The following BTNL2 variants were observed in gnomAD, a reference collection of about 807,000 sequenced individuals.
The protein encoded by BTNL2 is butyrophilin like 2.
A neutral mutation model predicts 46.8 loss-of-function variants in BTNL2; 46 were observed. That is an observed-to-expected ratio of 0.98 (90% CI 0.78 to 1.26). The LOEUF (loss-of-function observed/expected upper bound fraction) is 1.26, where lower values mean the gene tolerates loss of function less well. BTNL2 is among the 50% of genes most tolerant of loss of function. The pLI is 0.00. For missense variants in BTNL2, 461 were observed against 592.6 expected (o/e 0.78, Z 2.31); for synonymous variants, 226 against 229.1 (o/e 0.99, Z 0.12).
chr6:32,402,500 T>TGGG lies in BTNL2; in HGVS notation c.709+432_709+434dup, dbSNP rs57612352. On this transcript the variant is annotated intron_variant, in intron 3 of 7. Coordinates refer to ENST00000454136, the MANE Select transcript of BTNL2 (RefSeq NM_001304561.2). Reference sequence around the variant, plus strand: ...AAGATTCCACACTGTACTGTTGTATTGGGGGGTTGGTTGTTTTTGCTGCTA... The same window carrying TGGG: ...AAGATTCCACACTGTACTGTTGTATTGGGGGGGGGTTGGTTGTTTTTGCTGCTA... 4.5e-3 allele frequency among the ~76,000 whole-genome samples: 684 copies of TGGG among 152,072 alleles called. 6 individuals carry two copies. Among genetic ancestry groups the TGGG allele is most frequent in the African/African-American group, 0.016 (644 of 41,524 alleles).
chr6:32,402,105 A>G (rs1776821910), intron 3 of BTNL2, among the ~76,000 whole-genome samples: 1 of 152,200 alleles, frequency 6.6e-6, no homozygotes, highest in Non-Finnish European at 1.5e-5. Flanking sequence ...TGTTCCTTTT[A>G]TAGATACACA....
intron 1 of BTNL2, 161 bp from the exon 2 acceptor site, chr6:32,405,447 G>A (rs545154341): frequency 2.5e-6 from 2 of 801,268 alleles, no homozygotes; most frequent in Admixed American, 4.0e-5. Context: ...ACATCTGTTT[G>A]TTACAGAGTC....
intron 5 of BTNL2, among the ~76,000 whole-genome samples, chr6:32,395,610 T>C (rs118050525): frequency 0.012 from 1,862 of 152,162 alleles, 69 homozygotes; most frequent in East Asian, 0.11. Context: ...TTTCATCTTT[T>C]CTCCCCTGTC....
At chr6:32,402,500 T>TGGGGG (rs57612352) in intron 3 of BTNL2, among the ~76,000 whole-genome samples, 1,558 of 151,792 alleles carry the variant, frequency 0.01, 46 homozygotes, top group East Asian at 0.088. Context: ...ACTGTTGTAT[T>TGGGGG]GGGGGGTTGG....
chr6:32,402,908 T>C, intron 3 of BTNL2, 27 bp downstream of exon 3: 1 of 1,607,312 alleles, frequency 6.2e-7, no homozygotes, highest in Non-Finnish European at 8.5e-7. Flanking sequence ...GATCTGAGCA[T>C]GTGGGTCCTA....
chr6:32,397,856 G>T (rs1776542570), intron 4 of BTNL2, among the ~76,000 whole-genome samples: 1 of 152,138 alleles, frequency 6.6e-6, no homozygotes, highest in African/African-American at 2.4e-5. Context: ...CCTCTAGGTG[G>T]ACTTTATAGT....
intron 4 of BTNL2, among the ~76,000 whole-genome samples, chr6:32,397,287 T>G (rs774060594): frequency 6.6e-6 from 1 of 152,256 alleles, no homozygotes; most frequent in African/African-American, 2.4e-5. Flanking sequence ...TAGCAGCTGC[T>G]GCACTTCTGT....
At chr6:32,402,234 G>GT (rs535914577) in intron 3 of BTNL2, among the ~76,000 whole-genome samples, 1 of 152,188 alleles carries the variant, frequency 6.6e-6, no homozygotes, top group South Asian at 2.1e-4. Flanking sequence ...TAACTTTAAA[G>GT]TTTTTTTAAT....
At chr6:32,401,676 C>G in intron 4 of BTNL2, 109 bp downstream of exon 4, 5 of 1,003,212 alleles carry the variant, frequency 5.0e-6, no homozygotes, top group Non-Finnish European at 7.4e-6. Flanking sequence ...CTGGTAAAAT[C>G]GTGCCTCAGT....
Position 32,396,266 on chromosome 6 carries a change from C to T in BTNL2, c.851G>A (p.Arg284Gln), listed in dbSNP as rs758333883. The T allele has an allele frequency of 5.0e-6, 8 of 1,612,908 alleles. No homozygotes were observed. The highest frequency in any genetic ancestry group is 1.6e-4 in the Middle Eastern group (1 of 6,084). The part of the protein sequence containing the change: ...NAQSMEVRWD[R>Q]SHRYPAVHVY... ...ATGCACAGCAGGGTAACGGTGGGAT[C>T]GGTCCCACCTCACCTCCATGCTCTG... Residue 284 changes from arginine (R) to glutamine (Q), a missense_variant, in exon 5 of 8, where the codon CGA becomes CAA. Physicochemically the swap from Arg to Gln is conservative, Grantham distance 43 (BLOSUM62 1). Transcript: ENST00000454136. This position sits in a 1 kb window ranked among gnomAD's most constrained non-coding sequence, Gnocchi z 4.4.
intron 4 of BTNL2, among the ~76,000 whole-genome samples, chr6:32,401,224 A>C (rs1776767183): frequency 8.3e-6 from 1 of 119,954 alleles, no homozygotes; most frequent in Non-Finnish European, 2.0e-5. Flanking sequence ...AAAAAAAAAA[A>C]AAAAAAAAAA....
At chr6:32,406,956 T>TA (rs1777193421) in intron 1 of BTNL2, 89 bp downstream of exon 1, 1 of 1,272,330 alleles carries the variant, frequency 7.9e-7, no homozygotes. Context: ...GCCCCAGACT[T>TA]ACACTCTTAG....
chr6:32,402,285 G>A (rs1776833276), intron 3 of BTNL2, among the ~76,000 whole-genome samples: 1 of 152,078 alleles, frequency 6.6e-6, no homozygotes, highest in Non-Finnish European at 1.5e-5. Flanking sequence ...ATATCCAAAT[G>A]TGGAGGGTAT....
At position 32,403,082 on chromosome 6, in the gene BTNL2, C is replaced by T. The variant is rs9461742; in HGVS notation, c.562G>A (p.Val188Met). Residue 188 changes from valine (V) to methionine (M), a missense_variant, in exon 3 of 8, where the codon GTG (valine) becomes ATG (methionine). Coordinates refer to ENST00000454136, the MANE Select transcript of BTNL2 (RefSeq NM_001304561.2). ...TTATCTTGGATGCGATGCTCAGACA[C>T]GGCCAGCAGCTTCTCTCCCCGGATG... ...EDIRGEKLLA[V>M]SEHRIQDKDG... 1,345 of 1,612,898 alleles carry T rather than the reference C, an allele frequency of 8.3e-4. 6 individuals are homozygous for T. The African/African-American group carries it at 0.012, about 15-fold the overall frequency.
chr6:32,396,578 C>T lies in BTNL2; in HGVS notation c.731-192G>A, dbSNP rs908411409. ...AGGTTGCTCTTCTTTAAGGAGGAAT[C>T]ATTCCATGATGTGTGTCAGTCTGAG... is the stretch of plus-strand genomic sequence containing the variant. On this transcript the variant is annotated intron_variant, in intron 4 of 7. Coordinates refer to ENST00000454136, the MANE Select transcript of BTNL2 (RefSeq NM_001304561.2). The surrounding 1 kb of genome is among the most constrained non-coding windows in gnomAD (Gnocchi z 4.4). The T allele has an allele frequency of 1.5e-5, 9 of 619,168 alleles. No homozygotes were observed. In the African/African-American group the frequency reaches 1.5e-4, roughly 10 times the overall value. 38.4% of individuals were successfully genotyped at this position (619,168 alleles called of 1,614,324 possible).
chr6:32,397,980 A>G (rs1258679654), intron 4 of BTNL2, among the ~76,000 whole-genome samples: 1 of 152,246 alleles, frequency 6.6e-6, no homozygotes, highest in Non-Finnish European at 1.5e-5. Context: ...ATTAAAATTA[A>G]CATTTTAAGA....
rs78587369 is a variant in BTNL2 at position 32,403,150 on chromosome 6, G to A, written c.494C>T (p.Thr165Ile). 0.015 allele frequency: 24,390 copies of A among 1,612,674 alleles called. 1,122 individuals are homozygous for A. In the East Asian group the frequency reaches 0.16, roughly 10 times the overall value. The change falls in exon 3 of 8, where the codon ACT (threonine) becomes ATT (isoleucine). Residue 165 changes from threonine (T) to isoleucine (I), a missense_variant. By Grantham distance (89) the Thr-to-Ile change is moderately conservative. Transcript: ENST00000454136. ...GGGCTCTGGGAACCAGCCCCTTGCA[G>A]TGCACACAAGCTGGACTCCACTCTC... ...PGESGVQLVC[T>I]ARGWFPEPQV...
At position 32,396,695 on chromosome 6, in the gene BTNL2, G is replaced by GA. The variant is rs200744217; in HGVS notation, c.731-310dup. On this transcript the variant is annotated intron_variant, in intron 4 of 7. Transcript: ENST00000454136. This position sits in a 1 kb window ranked among gnomAD's most constrained non-coding sequence, Gnocchi z 4.4. ...AATAATTTTGCAATTAAAACTCCCAGATAGGCTGGGTGTGGTGGCTCAAGT... is the reference window on the plus strand; with the variant it reads ...AATAATTTTGCAATTAAAACTCCCAGAATAGGCTGGGTGTGGTGGCTCAAGT... 0.012 allele frequency among the ~76,000 whole-genome samples: 1,856 copies of GA among 152,236 alleles called. 68 individuals carry two copies. The highest frequency in any genetic ancestry group is 0.11 in the East Asian group (565 of 5,168).
rs1441261398 is a variant in BTNL2 at position 32,405,608 on chromosome 6, T to C, written c.80-322A>G. ...AATTTCTTCATCTTCAAGATATTAATACCAGCATACCTGGGTTGTTTTTAT... is the reference window on the plus strand; with the variant it reads ...AATTTCTTCATCTTCAAGATATTAACACCAGCATACCTGGGTTGTTTTTAT... On this transcript the variant is annotated intron_variant, in intron 1 of 7. Transcript: ENST00000454136. The C allele has an allele frequency of 3.8e-5, 14 of 373,252 alleles. No individual in the cohort carries two copies. The Admixed American group carries it at 4.3e-4, about 12-fold the overall frequency. The allele number at this position is 373,252 out of a possible 1,614,324, so 23.1% of individuals were successfully genotyped here.
Sources: gnomAD v4.1 joint callset for allele counts (sites outside exome capture counted in the v4.1 genomes callset) on GRCh38, gnomAD v4.1.1 for gene constraint, Gnocchi (gnomAD v3.1) non-coding constraint, MANE v1.5 for transcripts, NCBI Gene and HGNC (gene_info 2026-07-23, HGNC 2026-07-21) for gene names.